The following CACNA2D3 variants were observed in gnomAD, a reference collection of about 807,000 sequenced individuals.
The protein encoded by CACNA2D3 is calcium voltage-gated channel auxiliary subunit alpha2delta 3.
In CACNA2D3, 60 loss-of-function variants were observed where a neutral mutation model predicts 160.6. The ratio of observed to expected loss-of-function variants is 0.37; its 90% confidence interval spans 0.30 to 0.46. The LOEUF (loss-of-function observed/expected upper bound fraction) is 0.46, where lower values mean the gene tolerates loss of function less well. CACNA2D3 is among the 20% of genes least tolerant of loss of function. CACNA2D3 has a pLI of 1.00. For missense variants in CACNA2D3, 1,205 were observed against 1,365.0 expected (o/e 0.88, Z 1.85); for synonymous variants, 558 against 492.9 (o/e 1.13, Z -1.75).
chr3:54,975,335 A>T (rs151123854), intron 29 of CACNA2D3, among the ~76,000 whole-genome samples: 2 of 152,280 alleles, frequency 1.3e-5, no homozygotes, highest in African/African-American at 4.8e-5. Context: ...CCTGGCCAAC[A>T]TGGTGAAATC....
chr3:54,870,100 C>A (rs1699490949), intron 17 of CACNA2D3, among the ~76,000 whole-genome samples: 1 of 152,236 alleles, frequency 6.6e-6, no homozygotes, highest in East Asian at 1.9e-4. Context: ...TCGCAGAGTT[C>A]CTGAAATGCA....
At chr3:54,153,967 G>A (rs973428458) in intron 2 of CACNA2D3, among the ~76,000 whole-genome samples, 1 of 152,156 alleles carries the variant, frequency 6.6e-6, no homozygotes, top group Non-Finnish European at 1.5e-5. Flanking sequence ...TGAAGAATTA[G>A]AGTCTAAATA....
chr3:54,844,634 A>G (rs1052044081), intron 16 of CACNA2D3, among the ~76,000 whole-genome samples: 8 of 152,146 alleles, frequency 5.3e-5, no homozygotes, highest in Non-Finnish European at 1.2e-4. Flanking sequence ...TGCCCTCATG[A>G]AACTTACATT....
intron 13 of CACNA2D3, among the ~76,000 whole-genome samples, chr3:54,777,104 C>G (rs953205133): frequency 6.6e-6 from 1 of 152,180 alleles, no homozygotes; most frequent in Non-Finnish European, 1.5e-5. Context: ...AGTTTCTCTT[C>G]TGTTACTGTA....
intron 11 of CACNA2D3, among the ~76,000 whole-genome samples, chr3:54,751,145 A>G (rs181179413): frequency 2.0e-5 from 3 of 152,170 alleles, no homozygotes; most frequent in Admixed American, 6.5e-5. Context: ...CAAAAACCGT[A>G]TCCTCACTCC....
chr3:54,899,889 A>G (rs1700286647), intron 27 of CACNA2D3, 21 bp downstream of exon 27: 5 of 1,545,242 alleles, frequency 3.2e-6, no homozygotes, highest in African/African-American at 2.7e-5. Flanking sequence ...GATTGAATCC[A>G]TGAAGACAAA....
chr3:54,745,187 G>A (rs1404017703), intron 11 of CACNA2D3, among the ~76,000 whole-genome samples: 1 of 151,918 alleles, frequency 6.6e-6, no homozygotes, highest in Non-Finnish European at 1.5e-5. Context: ...GAGGGCAGGA[G>A]CCTTTATTGT....
chr3:54,524,470 A>G (rs186375054), intron 5 of CACNA2D3, among the ~76,000 whole-genome samples: 6 of 151,904 alleles, frequency 3.9e-5, no homozygotes, highest in African/African-American at 1.4e-4. Flanking sequence ...AGAATGTGTA[A>G]TGTATTGTTG....
rs373831427 is a variant in CACNA2D3, at chr3:54,320,553, G to A, written c.316G>A (p.Val106Ile). The change falls in exon 3 of 38, where the codon GTC becomes ATC. Residue 106 changes from valine to isoleucine, a missense_variant. Val to Ile is a conservative substitution (Grantham distance 29). Transcript: ENST00000474759. ...GATGTTTCACAAGAAGTCTGAGGCC[G>A]TCAGGGTAAGTGCCTATGTTTTGTG... Reference protein sequence around the residue: ...EEMFHKKSEAVRRLVEAAEEA... With the variant: ...EEMFHKKSEAIRRLVEAAEEA... 8.9e-5 allele frequency: 138 copies of A among 1,542,180 alleles called. No homozygotes were observed. The East Asian group carries it at 1.1e-3, about 12-fold the overall frequency.
chr3:54,470,955 A>G (rs1700719842), intron 4 of CACNA2D3, among the ~76,000 whole-genome samples: 1 of 152,184 alleles, frequency 6.6e-6, no homozygotes, highest in African/African-American at 2.4e-5. Context: ...ACTCCCACAC[A>G]ATAATAATGA....
chr3:54,602,151 A>G (rs1703071134), intron 9 of CACNA2D3, among the ~76,000 whole-genome samples: 1 of 152,190 alleles, frequency 6.6e-6, no homozygotes, highest in Non-Finnish European at 1.5e-5. Context: ...AAGATCCAGT[A>G]CAAAATAAAA....
chr3:54,929,267 C>T (rs866135174), intron 27 of CACNA2D3, among the ~76,000 whole-genome samples: 5 of 152,230 alleles, frequency 3.3e-5, no homozygotes, highest in Non-Finnish European at 4.4e-5. Flanking sequence ...TGGCAGTACA[C>T]GACATGGCCC....
chr3:54,183,016 C>T (rs956664947), intron 2 of CACNA2D3, among the ~76,000 whole-genome samples: 17 of 152,030 alleles, frequency 1.1e-4, no homozygotes, highest in Non-Finnish European at 2.5e-4. Context: ...TCTACATATT[C>T]CTGTGGGAAA....
At chr3:54,157,743 A>G (rs1051502315) in intron 2 of CACNA2D3, among the ~76,000 whole-genome samples, 8 of 151,566 alleles carry the variant, frequency 5.3e-5, no homozygotes, top group Admixed American at 2.0e-4. Flanking sequence ...GCGAGCCGAG[A>G]TGGCGCCATT....
intron 4 of CACNA2D3, among the ~76,000 whole-genome samples, chr3:54,435,027 T>G (rs1378728333): frequency 6.6e-6 from 1 of 152,146 alleles, no homozygotes; most frequent in Non-Finnish European, 1.5e-5. Flanking sequence ...TGATTAGGCC[T>G]ATGGCTGACA....
At chr3:54,789,553 A>G (rs971531212) in intron 13 of CACNA2D3, among the ~76,000 whole-genome samples, 3 of 152,218 alleles carry the variant, frequency 2.0e-5, no homozygotes, top group Non-Finnish European at 4.4e-5. Context: ...ATATTCAGTA[A>G]GTAGGCTGGG....
chr3:54,899,661 T>G (rs1312581357), intron 26 of CACNA2D3, 127 bp from the exon 27 acceptor site: 1 of 682,594 alleles, frequency 1.5e-6, no homozygotes, highest in Non-Finnish European at 2.6e-6. Flanking sequence ...CTCAGAGGAC[T>G]CTGGGGCCTG....
At chr3:54,525,084 G>A (rs1022257497) in intron 5 of CACNA2D3, among the ~76,000 whole-genome samples, 8 of 151,978 alleles carry the variant, frequency 5.3e-5, no homozygotes, top group Admixed American at 4.6e-4. Flanking sequence ...TACGTCATAT[G>A]TATATACATA....
At chr3:54,491,361 G>C (rs1049492374) in intron 4 of CACNA2D3, among the ~76,000 whole-genome samples, 7 of 152,216 alleles carry the variant, frequency 4.6e-5, no homozygotes, top group Non-Finnish European at 1.0e-4. Context: ...CCTTTGCGGT[G>C]GCACCTTGTA....
Sources: allele counts gnomAD v4.1 joint callset (sites outside exome capture counted in the v4.1 genomes callset), GRCh38; gene constraint gnomAD v4.1.1; transcripts MANE v1.5; gene names NCBI Gene and HGNC (gene_info 2026-07-23, HGNC 2026-07-21).